Variants in ZNF652 observed in about 807,000 individuals in gnomAD.
ZNF652 encodes zinc finger protein 652.
In ZNF652, 16 loss-of-function variants were observed where a neutral mutation model predicts 45.2. The observed-to-expected ratio is 0.35, with a 90% CI of 0.24 to 0.54. ZNF652 has a LOEUF of 0.54. Ranked by LOEUF, ZNF652 falls within the 20% of genes least tolerant of loss-of-function variation. The pLI is 0.91. For synonymous variants in ZNF652, 250 were observed against 260.6 expected (o/e 0.96, Z 0.39); for missense variants, 614 against 765.6 (o/e 0.80, Z 2.34).
chr17:49,352,914 C>A (rs2070297552), intron 1 of ZNF652, among the ~76,000 whole-genome samples: 1 of 152,184 alleles, frequency 6.6e-6, no homozygotes, highest in African/African-American at 2.4e-5. Flanking sequence ...ATGTCACATT[C>A]TGCAAAAGAC....
intron 1 of ZNF652, among the ~76,000 whole-genome samples, chr17:49,349,240 G>A (rs991851353): frequency 6.6e-6 from 1 of 152,114 alleles, no homozygotes; most frequent in African/African-American, 2.4e-5. Flanking sequence ...TGGCCAATAT[G>A]GTGAAACTTT....
At chr17:49,319,388 A>T (rs569180946) in intron 1 of ZNF652, among the ~76,000 whole-genome samples, 2 of 151,666 alleles carry the variant, frequency 1.3e-5, no homozygotes, top group South Asian at 4.2e-4. Context: ...TAATCCCAGC[A>T]CTTTGGGAGG....
chr17:49,360,168 C>T (rs1375493091), intron 1 of ZNF652, among the ~76,000 whole-genome samples: 1 of 152,118 alleles, frequency 6.6e-6, no homozygotes, highest in Non-Finnish European at 1.5e-5. Context: ...CTAACTTATC[C>T]TAATCAAAGA....
chr17:49,317,644 G>A lies in ZNF652; in HGVS notation c.82C>T (p.Arg28Cys), dbSNP rs746560040. ...HVAGMAQEDSRRGQVPSSFYH... is the reference protein window; with the variant it reads ...HVAGMAQEDSCRGQVPSSFYH... ...AAGGAAGATGGCACTTGACCACGAC[G>A]GCTATCTTCTTGTGCCATTCCTGCT... The change falls in exon 2 of 6, where the codon CGT becomes TGT. Residue 28 changes from arginine (R) to cysteine (C), a missense_variant. Around this residue, in one of 5 missense-constraint regions of ZNF652, gnomAD observed 133 missense variants for 132.2 expected, o/e 1.01. Coordinates refer to ENST00000430262, the MANE Select transcript of ZNF652 (RefSeq NM_001145365.3). The A allele has an allele frequency of 1.2e-5, 19 of 1,613,574 alleles. No individual in the cohort carries two copies. Among genetic ancestry groups the A allele is most frequent in the South Asian group, 3.3e-5 (3 of 91,082 alleles).
In ZNF652 at chr17:49,312,008, G is replaced by A. The variant is rs1037371207; in HGVS notation, c.1083C>T (p.Thr361=). The part of the protein sequence containing the change: ...HTKDMPFTCE[T]CGKSFKRSMS... ...TACTGCGTTTGAATGATTTTCCACAGGTTTCGCATGTAAATGGCATGTCTT... is the reference window on the plus strand; with the variant it reads ...TACTGCGTTTGAATGATTTTCCACAAGTTTCGCATGTAAATGGCATGTCTT... Residue 361 remains threonine (T), a synonymous_variant, in exon 4 of 6, where the codon ACC becomes ACT. Transcript: ENST00000430262. The A allele has an allele frequency of 6.2e-7, 1 of 1,613,828 alleles. No individual in the cohort carries two copies. The highest frequency in any genetic ancestry group is 2.2e-5 in the East Asian group (1 of 44,876).
chr17:49,328,677 T>C (rs926527486), intron 1 of ZNF652, among the ~76,000 whole-genome samples: 1 of 152,220 alleles, frequency 6.6e-6, no homozygotes, highest in Non-Finnish European at 1.5e-5. Context: ...GCCATGATTG[T>C]ACACTTTCTG....
chr17:49,303,736 A>G (rs144300854), intron 5 of ZNF652, among the ~76,000 whole-genome samples: 1 of 152,160 alleles, frequency 6.6e-6, no homozygotes, highest in East Asian at 1.9e-4. Flanking sequence ...TCCTCTCCAC[A>G]TTATTTACTA....
chr17:49,345,797 T>G (rs1177008686), intron 1 of ZNF652, among the ~76,000 whole-genome samples: 2 of 146,602 alleles, frequency 1.4e-5, no homozygotes, highest in African/African-American at 2.5e-5. Flanking sequence ...GCCGAGATAG[T>G]GCCACTGCAG....
chr17:49,361,888 G>A (rs1195880329), intron 1 of ZNF652, 21 bp downstream of exon 1: 1 of 150,786 alleles, frequency 6.6e-6, no homozygotes, highest in African/African-American at 2.4e-5. Context: ...CGAGTGCGTG[G>A]GGGAAGGGGC....
chr17:49,355,852 T>G (rs914930929), intron 1 of ZNF652, among the ~76,000 whole-genome samples: 3 of 151,402 alleles, frequency 2.0e-5, no homozygotes, highest in African/African-American at 2.4e-5. Flanking sequence ...GAGCCGAGAT[T>G]GCACCATTTG....
chr17:49,316,802 T>G, intron 2 of ZNF652, 24 bp downstream of exon 2: 1 of 1,582,884 alleles, frequency 6.3e-7, no homozygotes, highest in Non-Finnish European at 8.6e-7. Context: ...CTGAAAAGTT[T>G]TCCCTCTCGG....
intron 1 of ZNF652, among the ~76,000 whole-genome samples, chr17:49,334,310 G>A (rs149609663): frequency 2.0e-5 from 3 of 152,002 alleles, no homozygotes; most frequent in South Asian, 2.1e-4. Context: ...GCAAGACCTC[G>A]TCTCTACAAA....
chr17:49,333,766 C>T (rs570291478), intron 1 of ZNF652, among the ~76,000 whole-genome samples: 1 of 148,350 alleles, frequency 6.7e-6, no homozygotes, highest in African/African-American at 2.5e-5. Context: ...ATGGCCAATG[C>T]GTAAAGGAAA....
intron 1 of ZNF652, among the ~76,000 whole-genome samples, chr17:49,353,417 G>A (rs955057159): frequency 4.6e-5 from 7 of 152,030 alleles, no homozygotes; most frequent in Non-Finnish European, 8.8e-5. Flanking sequence ...TGATCCTTCC[G>A]CCTCAGCTTC....
At position 49,336,119 on chromosome 17, in the gene ZNF652, G is replaced by A. The variant is rs148485619; in HGVS notation, c.-258-18136C>T. ...GGCTCACTGCAACCTCCGCCTCCTG[G>A]GTTCAAGCAATTCTCCTGCCTCAGC... On this transcript the variant is annotated intron_variant, in intron 1 of 5. Coordinates refer to ENST00000430262, the MANE Select transcript of ZNF652 (RefSeq NM_001145365.3). Among the ~76,000 whole-genome samples, 70 of 152,052 alleles carry A rather than the reference G, an allele frequency of 4.6e-4. 1 individual carries two copies. The highest frequency in any genetic ancestry group is 1.6e-3 in the African/African-American group (65 of 41,480).
intron 1 of ZNF652, among the ~76,000 whole-genome samples, chr17:49,322,759 C>A (rs1485605835): frequency 6.6e-6 from 1 of 152,154 alleles, no homozygotes; most frequent in South Asian, 2.1e-4. Flanking sequence ...GAGGCAGGCA[C>A]CTGTAGTCCG....
rs1163976528 is a variant in ZNF652 at position 49,289,283 on chromosome 17, A to G, written c.*9130T>C. ...TACCGTACACATCCAAAGGCCCAGC[A>G]TCTCAGAAAAATCATTAGGCGGCAC... On this transcript the variant is annotated 3_prime_UTR_variant, in exon 6 of 6. Transcript: ENST00000430262. 1 of 151,350 alleles carries G rather than the reference A, an allele frequency of 6.6e-6. No individual in the cohort carries two copies. The highest frequency in any genetic ancestry group is 2.4e-5 in the African/African-American group (1 of 41,056). The allele number at this position is 151,350 out of a possible 1,614,324, so 9.4% of individuals were successfully genotyped here.
At chr17:49,336,183 C>T (rs1420372489) in intron 1 of ZNF652, among the ~76,000 whole-genome samples, 1 of 151,994 alleles carries the variant, frequency 6.6e-6, no homozygotes, top group East Asian at 1.9e-4. Flanking sequence ...CGCCACCATG[C>T]CCAGTTAATT....
intron 5 of ZNF652, among the ~76,000 whole-genome samples, chr17:49,301,844 C>T (rs1009857399): frequency 6.7e-6 from 1 of 149,550 alleles, no homozygotes; most frequent in African/African-American, 2.5e-5. Flanking sequence ...CTGGGCAACA[C>T]AGTGGCACCC....
Sources: gnomAD v4.1 joint callset for allele counts (sites outside exome capture counted in the v4.1 genomes callset) on GRCh38, gnomAD v4.1.1 for gene constraint, gnomAD v4.1.1 regional missense constraint, MANE v1.5 for transcripts, NCBI Gene and HGNC (gene_info 2026-07-23, HGNC 2026-07-21) for gene names.